Variants in DNTT observed in about 807,000 individuals in gnomAD.
DNTT encodes nucleosidetriphosphate:DNA deoxynucleotidylexotransferase.
DNTT carries 47 observed loss-of-function variants against 60.9 expected under a neutral mutation model. That is an observed-to-expected ratio of 0.77 (90% CI 0.61 to 0.98). The LOEUF is 0.98. DNTT is among the 50% of genes least tolerant of loss of function. The pLI is 0.00. For synonymous variants in DNTT, 224 were observed against 221.2 expected (o/e 1.01, Z -0.11); for missense variants, 665 against 627.5 (o/e 1.06, Z -0.64).
chr10:96,324,867 T>C (rs1844922073), intron 6 of DNTT, among the ~76,000 whole-genome samples: 1 of 152,052 alleles, frequency 6.6e-6, no homozygotes, highest in African/African-American at 2.4e-5. Context: ...TTGAACAGAG[T>C]TGTTGCCTGG....
In DNTT at chr10:96,308,921, C is replaced by T. The variant is rs550366403; in HGVS notation, c.203+4221C>T. Reference sequence around the variant, plus strand: ...GAATGTCATCAGTTAAGGCTATTTTCACTTCTTTTGTGTATCTTCAGTTGC... The same window carrying T: ...GAATGTCATCAGTTAAGGCTATTTTTACTTCTTTTGTGTATCTTCAGTTGC... On this transcript the variant is annotated intron_variant, in intron 1 of 10. Coordinates refer to ENST00000371174, the MANE Select transcript of DNTT (RefSeq NM_004088.4). 3.3e-5 allele frequency among the ~76,000 whole-genome samples: 5 copies of T among 152,290 alleles called. No individual in the cohort carries two copies. The East Asian group carries it at 9.6e-4, about 29-fold the overall frequency.
At chr10:96,330,038 C>T (rs967934221) in intron 8 of DNTT, among the ~76,000 whole-genome samples, 6 of 152,198 alleles carry the variant, frequency 3.9e-5, no homozygotes, top group Admixed American at 1.3e-4. Flanking sequence ...TGTCAATATT[C>T]AGTCAACCAG....
In DNTT at chr10:96,327,729, G is replaced by A. The variant is rs1205299316; in HGVS notation, c.1007+129G>A. On this transcript the variant is annotated intron_variant, in intron 7 of 10. Transcript: ENST00000371174. ...GCTTCTTTCTACAGCTTTATCTCCT[G>A]CCTCTCACATTTCATTTCAGCAACC... The A allele has an allele frequency of 2.8e-6, 4 of 1,414,302 alleles. No individual in the cohort carries two copies. The African/African-American group carries it at 4.3e-5, about 15-fold the overall frequency. The allele number at this position is 1,414,302 out of a possible 1,614,324, so 87.6% of individuals were successfully genotyped here. A position where few individuals can be genotyped will look rare whatever the true frequency, so the allele number is the denominator to read the frequency against.
chr10:96,318,802 C>T (rs1844825027), intron 2 of DNTT, among the ~76,000 whole-genome samples: 1 of 152,180 alleles, frequency 6.6e-6, no homozygotes, highest in African/African-American at 2.4e-5. Context: ...CGAGTGGTCG[C>T]TATTTTCCCG....
chr10:96,332,554 C>T lies in DNTT; in HGVS notation c.1317C>T (p.Tyr439=), dbSNP rs757253904. 26 of 1,614,038 alleles carry T rather than the reference C, an allele frequency of 1.6e-5. No individual in the cohort carries two copies. The East Asian group carries it at 1.8e-4, about 11-fold the overall frequency. The change falls in exon 9 of 11, where the codon TAC becomes TAT. Residue 439 remains tyrosine, a synonymous_variant. Coordinates refer to ENST00000371174, the MANE Select transcript of DNTT (RefSeq NM_004088.4). ...AIRVDLVLCP[Y]ERRAFALLGW... ...GTGTGGATTTAGTTCTGTGCCCCTACGAGCGTCGTGCCTTTGCCCTGTTGG... is the reference window on the plus strand; with the variant it reads ...GTGTGGATTTAGTTCTGTGCCCCTATGAGCGTCGTGCCTTTGCCCTGTTGG...
chr10:96,308,914 C>CTATT (rs1844675397), intron 1 of DNTT, among the ~76,000 whole-genome samples: 1 of 152,154 alleles, frequency 6.6e-6, no homozygotes, highest in South Asian at 2.1e-4. Context: ...TCAGTTAAGG[C>CTATT]TATTTTCACT....
chr10:96,332,531 G>T lies in DNTT; in HGVS notation c.1294G>T (p.Val432Leu). ...AGGAAAGACCTGGAAGGCCATCCGT[G>T]TGGATTTAGTTCTGTGCCCCTACGA... The part of the protein sequence containing the change: ...QEGKTWKAIR[V>L]DLVLCPYERR... The change falls in exon 9 of 11, where the codon GTG (valine) becomes TTG (leucine). Residue 432 changes from valine to leucine, a missense_variant. Coordinates refer to ENST00000371174, the MANE Select transcript of DNTT (RefSeq NM_004088.4). 6.2e-7 allele frequency: 1 copy of T among 1,614,192 alleles called. No homozygotes were observed. Among genetic ancestry groups the T allele is most frequent in the Non-Finnish European group, 8.5e-7 (1 of 1,180,002 alleles).
chr10:96,308,377 A>G (rs1844668596), intron 1 of DNTT, among the ~76,000 whole-genome samples: 1 of 151,990 alleles, frequency 6.6e-6, no homozygotes. Context: ...AAGTATTAAA[A>G]CCCTTGAGGC....
chr10:96,337,344 A>C (rs1845084517), intron 10 of DNTT, among the ~76,000 whole-genome samples: 1 of 152,072 alleles, frequency 6.6e-6, no homozygotes. Context: ...TGCTTCTTGG[A>C]ATTGGGAGCA....
Position 96,307,773 on chromosome 10 carries a change from A to ATT in DNTT, c.203+3074_203+3075insTT, listed in dbSNP as rs1407279607. 1.5e-3 allele frequency among the ~76,000 whole-genome samples: 146 copies of ATT among 100,392 alleles called. 5 individuals carry two copies. Among genetic ancestry groups the ATT allele is most frequent in the East Asian group, 4.3e-3 (16 of 3,720 alleles). The allele number at this position is 100,392 out of a possible 152,430, so 65.9% of individuals were successfully genotyped here. A position where few individuals can be genotyped will look rare whatever the true frequency, so the allele number is the denominator to read the frequency against. On this transcript the variant is annotated intron_variant, in intron 1 of 10. Coordinates refer to ENST00000371174, the MANE Select transcript of DNTT (RefSeq NM_004088.4). ...TGTGTGTGTGCATATATATATATAT[A>ATT]TATATTTTTTTTTTTTGAGGCAGGG...
chr10:96,307,733 A>ATATATATATATAT (rs1491263751), intron 1 of DNTT, among the ~76,000 whole-genome samples: 2 of 60,780 alleles, frequency 3.3e-5, no homozygotes, highest in Admixed American at 2.1e-4. Context: ...ATATATATAT[A>ATATATATATATAT]AGCATATATA....
rs114965433 is a variant in DNTT, at chr10:96,331,470, G to T, written c.1114-881G>T. 5.3e-3 allele frequency among the ~76,000 whole-genome samples: 813 copies of T among 152,360 alleles called. 3 individuals are homozygous for T. The highest frequency in any genetic ancestry group is 0.019 in the African/African-American group (793 of 41,588). On this transcript the variant is annotated intron_variant, in intron 8 of 10. Transcript: ENST00000371174. Reference sequence around the variant, plus strand: ...TACACTCATGGCAGAAGGCAAGGAAGAGCTGGCAGGTGCCGAGGTCACAGG... The same window carrying T: ...TACACTCATGGCAGAAGGCAAGGAATAGCTGGCAGGTGCCGAGGTCACAGG...
intron 1 of DNTT, among the ~76,000 whole-genome samples, chr10:96,306,206 G>A (rs376212208): frequency 5.3e-4 from 80 of 150,138 alleles, no homozygotes; most frequent in African/African-American, 1.8e-3. Flanking sequence ...TGATTCTCCT[G>A]CCTCAGCCTC....
At chr10:96,317,242 T>A (rs546900359) in intron 1 of DNTT, among the ~76,000 whole-genome samples, 1 of 152,340 alleles carries the variant, frequency 6.6e-6, no homozygotes, top group Admixed American at 6.5e-5. Flanking sequence ...ACCAGCTGTG[T>A]GACTTTTAGA....
intron 4 of DNTT, 60 bp downstream of exon 4, chr10:96,320,848 G>C (rs1213105744): frequency 6.9e-6 from 11 of 1,589,034 alleles, no homozygotes; most frequent in Non-Finnish European, 8.6e-6. Context: ...GGGGGAGAGA[G>C]GGATGTAGCT....
chr10:96,317,507 G>A (rs957253671), intron 1 of DNTT, among the ~76,000 whole-genome samples: 9 of 152,146 alleles, frequency 5.9e-5, no homozygotes, highest in Non-Finnish European at 1.3e-4. Flanking sequence ...TTAATGGGGT[G>A]TTTCTATGGT....
At chr10:96,313,842 G>T (rs1844750798) in intron 1 of DNTT, among the ~76,000 whole-genome samples, 1 of 152,194 alleles carries the variant, frequency 6.6e-6, no homozygotes, top group African/African-American at 2.4e-5. Context: ...TGGAGAGATG[G>T]TGGCGATGGA....
intron 6 of DNTT, among the ~76,000 whole-genome samples, chr10:96,327,204 T>C (rs772958506): frequency 6.6e-6 from 1 of 152,202 alleles, no homozygotes; most frequent in Non-Finnish European, 1.5e-5. Flanking sequence ...TCTGAACAGT[T>C]TGGATTCCAG....
chr10:96,332,265 T>C, intron 8 of DNTT, 86 bp from the exon 9 acceptor site: 1 of 1,545,940 alleles, frequency 6.5e-7, no homozygotes, highest in Non-Finnish European at 8.7e-7. Context: ...TGCTCGAATC[T>C]GAAAAGATTT....
Sources: gnomAD v4.1 joint callset for allele counts (sites outside exome capture counted in the v4.1 genomes callset) on GRCh38, gnomAD v4.1.1 for gene constraint, MANE v1.5 for transcripts, NCBI Gene and HGNC (gene_info 2026-07-23, HGNC 2026-07-21) for gene names.